Variants in SPATS1 observed in about 807,000 individuals in gnomAD.
SPATS1 encodes spermatogenesis associated serine rich 1, also known as spermatogenesis-associated serine-rich protein 1.
A neutral mutation model predicts 33.6 loss-of-function variants in SPATS1; 23 were observed. The observed-to-expected ratio is 0.68, with a 90% CI of 0.49 to 0.97. The LOEUF (loss-of-function observed/expected upper bound fraction) is 0.97, where lower values mean the gene tolerates loss of function less well. Among genes scored for constraint, SPATS1 ranks in the 50% least tolerant of loss-of-function variants. SPATS1 has a pLI of 0.00. For synonymous variants in SPATS1, 131 were observed against 125.6 expected (o/e 1.04, Z -0.29); for missense variants, 327 against 361.0 (o/e 0.91, Z 0.76).
intron 6 of SPATS1, among the ~76,000 whole-genome samples, chr6:44,368,959 C>T (rs77579160): frequency 2.0e-5 from 3 of 149,924 alleles, no homozygotes; most frequent in Non-Finnish European, 4.4e-5. Flanking sequence ...TGCAGTGGTG[C>T]CATCTCAGCT....
chr6:44,348,330 G>T (rs1788027129), intron 2 of SPATS1, among the ~76,000 whole-genome samples: 1 of 151,912 alleles, frequency 6.6e-6, no homozygotes, highest in Non-Finnish European at 1.5e-5. Flanking sequence ...ATTTTTTCTT[G>T]AACCTTGTTT....
intron 2 of SPATS1, among the ~76,000 whole-genome samples, chr6:44,347,903 C>G (rs924630862): frequency 3.9e-5 from 6 of 151,988 alleles, no homozygotes; most frequent in African/African-American, 1.4e-4. Context: ...GCTATGTAAC[C>G]CTGAACAAGT....
chr6:44,360,179 T>G lies in SPATS1; in HGVS notation c.288-267T>G, dbSNP rs144409027. On this transcript the variant is annotated intron_variant, in intron 3 of 8. Coordinates refer to ENST00000674044, the MANE Select transcript of SPATS1 (RefSeq NM_001372081.1). ...GACGGGATCTCACTATGCTGTCCAG[T>G]CTGGTCTCAAACTCCTGGCCTCAAG... is the stretch of plus-strand genomic sequence containing the variant. Among the ~76,000 whole-genome samples the G allele has an allele frequency of 8.3e-3, 1,263 of 152,024 alleles. 12 individuals carry two copies. The highest frequency in any genetic ancestry group is 0.028 in the African/African-American group (1,171 of 41,452).
chr6:44,366,774 T>C (rs1234509133), intron 5 of SPATS1, among the ~76,000 whole-genome samples: 1 of 152,248 alleles, frequency 6.6e-6, no homozygotes, highest in Non-Finnish European at 1.5e-5. Flanking sequence ...AGTCCAGTTC[T>C]GATTTCAAAT....
intron 4 of SPATS1, 92 bp downstream of exon 4, chr6:44,360,662 A>AT: frequency 7.0e-7 from 1 of 1,433,698 alleles, no homozygotes; most frequent in Non-Finnish European, 9.5e-7. Flanking sequence ...AAGGCCCACA[A>AT]CTGTCAAGCA....
At chr6:44,366,799 C>T (rs2153368926) in intron 5 of SPATS1, among the ~76,000 whole-genome samples, 1 of 152,270 alleles carries the variant, frequency 6.6e-6, no homozygotes, top group Middle Eastern at 3.4e-3. Flanking sequence ...ATAATTGCTA[C>T]TATTTCTTGG....
At chr6:44,376,954 C>A in intron 8 of SPATS1, 81 bp from the exon 9 acceptor site, 6 of 1,525,600 alleles carry the variant, frequency 3.9e-6, no homozygotes, top group Non-Finnish European at 5.5e-6. Flanking sequence ...CATAGCCAAG[C>A]ATTGGGGGTC....
rs954191144 is a variant in SPATS1, at chr6:44,379,478, G to T, written c.*2415G>T. Among the ~76,000 whole-genome samples, 3 of 151,200 alleles carry T rather than the reference G, an allele frequency of 2.0e-5. No homozygotes were observed. Among genetic ancestry groups the T allele is most frequent in the African/African-American group, 7.3e-5 (3 of 41,190 alleles). On this transcript the variant is annotated 3_prime_UTR_variant, in exon 9 of 9. Transcript: ENST00000674044. Reference sequence around the variant, plus strand: ...TGGTGGTGGGCACCTATAGTCCCAGGACTGTACTATACTCGGGAGGCTGAG... The same window carrying T: ...TGGTGGTGGGCACCTATAGTCCCAGTACTGTACTATACTCGGGAGGCTGAG...
chr6:44,357,527 T>G (rs1788664983), intron 3 of SPATS1, among the ~76,000 whole-genome samples: 1 of 152,046 alleles, frequency 6.6e-6, no homozygotes, highest in African/African-American at 2.4e-5. Context: ...GGATTACAGG[T>G]GCATGCCACC....
intron 2 of SPATS1, among the ~76,000 whole-genome samples, chr6:44,344,040 G>C (rs147088689): frequency 1.3e-5 from 2 of 152,142 alleles, no homozygotes; most frequent in Non-Finnish European, 2.9e-5. Flanking sequence ...AGCTAGGACC[G>C]TAGAGAAGGA....
At chr6:44,366,127 ATT>A (rs199562029) in intron 5 of SPATS1, among the ~76,000 whole-genome samples, 13 of 141,442 alleles carry the variant, frequency 9.2e-5, no homozygotes, top group African/African-American at 2.3e-4. Context: ...ATATATATAT[ATT>A]TTTTTTTTTT....
chr6:44,343,968 T>A (rs139363138), intron 2 of SPATS1, among the ~76,000 whole-genome samples: 2,193 of 150,864 alleles, frequency 0.015, 41 homozygotes, highest in South Asian at 0.026. Flanking sequence ...GATCTCCTCA[T>A]TCTCCTTCAC....
At chr6:44,375,465 T>C (rs558239293) in intron 7 of SPATS1, among the ~76,000 whole-genome samples, 1 of 152,272 alleles carries the variant, frequency 6.6e-6, no homozygotes, top group Non-Finnish European at 1.5e-5. Flanking sequence ...TGCCCTAATT[T>C]CTGTCCACCT....
intron 2 of SPATS1, among the ~76,000 whole-genome samples, chr6:44,347,063 T>C (rs1426212751): frequency 6.6e-6 from 1 of 152,240 alleles, no homozygotes; most frequent in Admixed American, 6.5e-5. Flanking sequence ...GATGAGTTCA[T>C]GTCCTTTGCA....
At chr6:44,355,172 C>A (rs1241648590) in intron 3 of SPATS1, among the ~76,000 whole-genome samples, 1 of 151,748 alleles carries the variant, frequency 6.6e-6, no homozygotes, top group Admixed American at 6.6e-5. Flanking sequence ...CCCTTCCCAC[C>A]CCTCCCACCC....
At position 44,368,367 on chromosome 6, in the gene SPATS1, C is replaced by T. The variant is rs368925467; in HGVS notation, c.575-12C>T. 3.1e-6 allele frequency: 5 copies of T among 1,610,858 alleles called. No individual in the cohort carries two copies. Among genetic ancestry groups the T allele is most frequent in the Non-Finnish European group, 2.5e-6 (3 of 1,178,678 alleles). ...GCCCTTGTATGATTTTGTTTTCAAA[C>T]CTTCTCCACAGATATTGATCCCAGG... is the stretch of plus-strand genomic sequence containing the variant. On this transcript the variant is annotated splice_polypyrimidine_tract_variant and intron_variant, in intron 5 of 8. Transcript: ENST00000674044.
chr6:44,366,847 T>G (rs947117362), intron 5 of SPATS1, among the ~76,000 whole-genome samples: 2 of 152,216 alleles, frequency 1.3e-5, no homozygotes, highest in Non-Finnish European at 2.9e-5. Flanking sequence ...TATTTAGTAT[T>G]CATGATAACT....
intron 2 of SPATS1, chr6:44,343,526 G>T: frequency 1.9e-6 from 1 of 519,428 alleles, no homozygotes; most frequent in Non-Finnish European, 3.7e-6. Flanking sequence ...CCTGCCCAGT[G>T]CTTGGGTTAA....
In SPATS1 at chr6:44,368,231, T is replaced by A. The variant is rs1281831132; in HGVS notation, c.575-148T>A. 4 of 811,684 alleles carry A rather than the reference T, an allele frequency of 4.9e-6. No homozygotes were observed. The Admixed American group carries it at 9.6e-5, about 19-fold the overall frequency. The allele number at this position is 811,684 out of a possible 1,614,324, so 50.3% of individuals were successfully genotyped here. On this transcript the variant is annotated intron_variant, in intron 5 of 8. Transcript: ENST00000674044. ...ATAGGCTCATCTCCTTAAGGCAAGA[T>A]AATCACAAACAGAACTTTGAGAAAC... is the stretch of plus-strand genomic sequence containing the variant.
Sources: allele counts gnomAD v4.1 joint callset (sites outside exome capture counted in the v4.1 genomes callset), GRCh38; gene constraint gnomAD v4.1.1; transcripts MANE v1.5; gene names NCBI Gene and HGNC (gene_info 2026-07-23, HGNC 2026-07-21).